Variants in TMEM60 observed in about 807,000 individuals in gnomAD.
The protein encoded by TMEM60 is transmembrane protein 60, also known as chromosome 7 open reading frame 35.
In TMEM60, 4 loss-of-function variants were observed where a neutral mutation model predicts 10.7. The ratio of observed to expected loss-of-function variants is 0.37; its 90% CI spans 0.18 to 0.86. The LOEUF is 0.86. TMEM60 is among the 40% of genes least tolerant of loss of function. The pLI is 0.43. For synonymous variants in TMEM60, 56 were observed against 58.1 expected, an observed-to-expected ratio of 0.96 and a Z score of 0.17; for missense variants, 128 against 153.4, an observed-to-expected ratio of 0.83 and a Z score of 0.88.
chr7:77,793,821 G>A lies in TMEM60; in HGVS notation c.*151C>T, dbSNP rs921583288. On this transcript the variant is annotated 3_prime_UTR_variant, in exon 2 of 2. Transcript: ENST00000257663. ...TAAGCTGTAGGTTGACTAGAAGTCCGTGATTCACCAATCCTGTTTTATGGA... is the reference window on the plus strand; with the variant it reads ...TAAGCTGTAGGTTGACTAGAAGTCCATGATTCACCAATCCTGTTTTATGGA... 9 of 806,990 alleles carry A rather than the reference G, an allele frequency of 1.1e-5. No individual in the cohort carries two copies. Among genetic ancestry groups the A allele is most frequent in the Admixed American group, 3.7e-5 (1 of 26,962 alleles). The allele number at this position is 806,990 out of a possible 1,614,324, so 50.0% of individuals were successfully genotyped here.
At position 77,794,098 on chromosome 7, in the gene TMEM60, G is replaced by A. The variant is rs145350174; in HGVS notation, c.276C>T (p.Leu92=). Residue 92 remains leucine (L), a synonymous_variant, in exon 2 of 2, where the codon CTC becomes CTT. Transcript: ENST00000257663. ...ACTGTTCCAGTTTAGCACAGAGTGC[G>A]AGGCAGAAGGCTAATTTAAGTAACA... ...IAMLLKLAFC[L]ALCAKLEQFT... 1.9e-5 allele frequency: 30 copies of A among 1,613,988 alleles called. No individual in the cohort carries two copies. The highest frequency in any genetic ancestry group is 8.0e-5 in the African/African-American group (6 of 74,894).
intron 1 of TMEM60, among the ~76,000 whole-genome samples, chr7:77,797,052 G>C (rs1014684850): frequency 1.1e-4 from 16 of 152,118 alleles, no homozygotes; most frequent in Non-Finnish European, 2.4e-4. Context: ...TTCTGTGTTG[G>C]TTTCCTTTCC....
At chr7:77,794,460 C>G (rs1230519861) in intron 1 of TMEM60, 37 bp from the exon 2 acceptor site, 15 of 1,349,864 alleles carry the variant, frequency 1.1e-5, no homozygotes, top group African/African-American at 1.5e-5. Context: ...TGTTTTGATA[C>G]CAGAAAAAAA....
At chr7:77,797,296 C>A in intron 1 of TMEM60, among the ~76,000 whole-genome samples, 1 of 152,158 alleles carries the variant, frequency 6.6e-6, no homozygotes, top group South Asian at 2.1e-4. Flanking sequence ...TTTTTTCTTA[C>A]ATTTGGCTGT....
Position 77,793,905 on chromosome 7 carries a change from A to C in TMEM60, c.*67T>G. ...AGTTCTCTGGTATTCTTGAAGCTTG[A>C]CAGATTCAGAACACTTTAATGGTAA... On this transcript the variant is annotated 3_prime_UTR_variant, in exon 2 of 2. Transcript: ENST00000257663. The C allele has an allele frequency of 6.9e-7, 1 of 1,448,302 alleles. No individual in the cohort carries two copies. The highest frequency in any genetic ancestry group is 9.1e-7 in the Non-Finnish European group (1 of 1,093,002). The allele number at this position is 1,448,302 out of a possible 1,614,324, so 89.7% of individuals were successfully genotyped here.
intron 1 of TMEM60, 37 bp from the exon 2 acceptor site, chr7:77,794,460 C>T (rs1230519861): frequency 3.0e-6 from 4 of 1,349,864 alleles, no homozygotes; most frequent in Admixed American, 2.9e-5. Context: ...TGTTTTGATA[C>T]CAGAAAAAAA....
chr7:77,795,597 C>G (rs1792159707), intron 1 of TMEM60, among the ~76,000 whole-genome samples: 1 of 152,136 alleles, frequency 6.6e-6, no homozygotes, highest in Admixed American at 6.5e-5. Flanking sequence ...TAATTTGAAA[C>G]ATATTCTTAA....
rs953614397 is a variant in TMEM60 at position 77,795,914 on chromosome 7, A to T, written c.-50-1491T>A. On this transcript the variant is annotated intron_variant, in intron 1 of 1. Coordinates refer to ENST00000257663, the MANE Select transcript of TMEM60 (RefSeq NM_032936.4). ...TGTATTAATATCTGGAAGGCCTAGT[A>T]TCTACTCGTTGTTCTCTTTTCTAGA... 2.6e-5 allele frequency among the ~76,000 whole-genome samples: 4 copies of T among 151,782 alleles called. No homozygotes were observed. In the East Asian group the frequency reaches 7.7e-4, roughly 29 times the overall value.
intron 1 of TMEM60, among the ~76,000 whole-genome samples, chr7:77,794,636 T>TGA (rs1792149198): frequency 6.6e-6 from 1 of 152,220 alleles, no homozygotes; most frequent in African/African-American, 2.4e-5. Context: ...TTTTATTATA[T>TGA]CTACTGTATA....
At chr7:77,797,585 G>C (rs938393374) in intron 1 of TMEM60, among the ~76,000 whole-genome samples, 1 of 152,288 alleles carries the variant, frequency 6.6e-6, no homozygotes, top group East Asian at 1.9e-4. Flanking sequence ...CAAGAAAGGG[G>C]GAGGTGCGTA....
chr7:77,798,133 A>T (rs1242618883), intron 1 of TMEM60, 121 bp downstream of exon 1: 3 of 152,466 alleles, frequency 2.0e-5, no homozygotes, highest in Non-Finnish European at 4.4e-5. Flanking sequence ...GGAGCCAAGC[A>T]GGCGTGTGCG....
Position 77,796,071 on chromosome 7 carries a change from G to A in TMEM60, c.-50-1648C>T, listed in dbSNP as rs1417355183. On this transcript the variant is annotated intron_variant, in intron 1 of 1. Coordinates refer to ENST00000257663, the MANE Select transcript of TMEM60 (RefSeq NM_032936.4). ...TCCCACTTAAGTTTCCCAAGTAGCT[G>A]GGATTACAAGTGTGCGCCACCACGC... Among the ~76,000 whole-genome samples the A allele has an allele frequency of 2.6e-5, 4 of 152,004 alleles. No homozygotes were observed. In the East Asian group the frequency reaches 7.7e-4, roughly 29 times the overall value.
chr7:77,797,768 C>G (rs1365332340), intron 1 of TMEM60, among the ~76,000 whole-genome samples: 1 of 152,176 alleles, frequency 6.6e-6, no homozygotes, highest in Non-Finnish European at 1.5e-5. Flanking sequence ...TGGGTATCAG[C>G]CCCCATTTCC....
At chr7:77,797,289 T>C (rs1479959589) in intron 1 of TMEM60, among the ~76,000 whole-genome samples, 2 of 152,354 alleles carry the variant, frequency 1.3e-5, no homozygotes, top group East Asian at 3.9e-4. Context: ...GCTTCATTTT[T>C]TTCTTACATT....
In TMEM60 at chr7:77,794,210, A is replaced by G. The variant is rs1421053817; in HGVS notation, c.164T>C (p.Val55Ala). Residue 55 changes from valine (V) to alanine (A), a missense_variant, in exon 2 of 2, where the codon GTG (valine) becomes GCG (alanine). Val to Ala is a moderately conservative substitution (Grantham distance 64). Transcript: ENST00000257663. Reference sequence around the variant, plus strand: ...AGACTTACACCGCCCAGCCATTTTCACAATCAGCAGGACAAGAAGGATAGT... The same window carrying G: ...AGACTTACACCGCCCAGCCATTTTCGCAATCAGCAGGACAAGAAGGATAGT... ...FDTILLVLLI[V>A]KMAGRCKSGF... 4.3e-6 allele frequency: 7 copies of G among 1,613,852 alleles called. No individual in the cohort carries two copies. The South Asian group carries it at 7.7e-5, about 18-fold the overall frequency.
At chr7:77,795,285 T>C (rs1792155864) in intron 1 of TMEM60, among the ~76,000 whole-genome samples, 1 of 152,142 alleles carries the variant, frequency 6.6e-6, no homozygotes, top group African/African-American at 2.4e-5. Context: ...TTTGGGACTC[T>C]AAGGCAGGTG....
intron 1 of TMEM60, 133 bp downstream of exon 1, chr7:77,798,121 C>G (rs1466416293): frequency 6.6e-6 from 1 of 152,450 alleles, no homozygotes; most frequent in African/African-American, 2.4e-5. Context: ...CACAGAAGCC[C>G]TGGAGCCAAG....
intron 1 of TMEM60, among the ~76,000 whole-genome samples, chr7:77,797,720 A>G (rs1792212871): frequency 1.3e-5 from 2 of 152,190 alleles, no homozygotes; most frequent in South Asian, 4.1e-4. Context: ...TTACCCCTGT[A>G]TGGACATATA....
At chr7:77,794,480 C>G in intron 1 of TMEM60, 57 bp from the exon 2 acceptor site, 1 of 1,197,160 alleles carries the variant, frequency 8.4e-7, no homozygotes, top group Non-Finnish European at 1.1e-6. Context: ...AGTATCACTT[C>G]CATTCCTAAT....
Sources: allele counts gnomAD v4.1 joint callset (sites outside exome capture counted in the v4.1 genomes callset), GRCh38; gene constraint gnomAD v4.1.1; transcripts MANE v1.5; gene names NCBI Gene and HGNC (gene_info 2026-07-23, HGNC 2026-07-21).